Variants in DDAH1 observed in about 807,000 individuals in gnomAD.
The protein encoded by DDAH1 is dimethylarginine dimethylaminohydrolase 1.
Under a neutral mutation model 28.8 loss-of-function variants are expected in DDAH1, and 19 were observed. The ratio of observed to expected loss-of-function variants is 0.66; its 90% confidence interval spans 0.46 to 0.97. DDAH1 has a LOEUF of 0.97. Among genes scored for constraint, DDAH1 ranks in the 50% least tolerant of loss-of-function variants. DDAH1 has a pLI of 0.00. For synonymous variants in DDAH1, 153 were observed against 154.4 expected (o/e 0.99, Z 0.07); for missense variants, 326 against 375.9 (o/e 0.87, Z 1.10).
intron 1 of DDAH1, among the ~76,000 whole-genome samples, chr1:85,457,903 C>G (rs1440422323): frequency 2.0e-5 from 3 of 152,140 alleles, no homozygotes; most frequent in African/African-American, 7.2e-5. Flanking sequence ...GTTGGCCAGG[C>G]TGGTTTTGAA....
intron 1 of DDAH1, among the ~76,000 whole-genome samples, chr1:85,572,971 C>T (rs1659502637): frequency 2.0e-5 from 3 of 152,172 alleles, no homozygotes; most frequent in Admixed American, 6.5e-5. Context: ...GATTTTATAA[C>T]TAGAGTTCTA....
chr1:85,372,128 T>C lies in DDAH1; in HGVS notation c.304-13281A>G, dbSNP rs113861337. On this transcript the variant is annotated intron_variant, in intron 1 of 5. Coordinates refer to ENST00000284031, the MANE Select transcript of DDAH1 (RefSeq NM_012137.4). ...TGCATAGTAATTAATTCTGAGAAGC[T>C]GCCTTCTGATTCCAGGCTGAAGCAT... Among the ~76,000 whole-genome samples the C allele has an allele frequency of 9.2e-3, 1,403 of 152,270 alleles. 18 individuals carry two copies. The highest frequency in any genetic ancestry group is 0.032 in the African/African-American group (1,341 of 41,544).
Position 85,465,154 on chromosome 1 carries a change from G to A in DDAH1, c.-109C>T. The stretch of plus-strand genomic sequence containing the variant: ...CCGTCGGCTCCTCTTGGCAGCCGCT[G>A]AATGTGGTGCAGAAGGAGCCCAGCT... On this transcript the variant is annotated 5_prime_UTR_variant, in exon 1 of 6. Transcript: ENST00000284031. 8.6e-7 allele frequency: 1 copy of A among 1,157,060 alleles called. No individual in the cohort carries two copies. Among genetic ancestry groups the A allele is most frequent in the African/African-American group, 1.6e-5 (1 of 61,678 alleles). The allele number at this position is 1,157,060 out of a possible 1,614,324, so 71.7% of individuals were successfully genotyped here. A position where few individuals can be genotyped will look rare whatever the true frequency, so the allele number is the denominator to read the frequency against.
rs1373608484 is a variant in DDAH1, at chr1:85,321,306, A to AG, written c.*145dup. 6.2e-6 allele frequency: 4 copies of AG among 649,402 alleles called. No homozygotes were observed. Among genetic ancestry groups the AG allele is most frequent in the Non-Finnish European group, 1.1e-5 (4 of 361,966 alleles). 40.2% of individuals were successfully genotyped at this position (649,402 alleles called of 1,614,324 possible). A position where few individuals can be genotyped will look rare whatever the true frequency, so the allele number is the denominator to read the frequency against. On this transcript the variant is annotated 3_prime_UTR_variant, in exon 6 of 6. Transcript: ENST00000284031. ...GAGGGAGGGTGGGGGTGTTGAATGA[A>AG]GCAATTCAACTTAGAATCAAATTTT...
At chr1:85,535,296 C>A (rs1466304901) in intron 1 of DDAH1, among the ~76,000 whole-genome samples, 1 of 149,270 alleles carries the variant, frequency 6.7e-6, no homozygotes, top group Admixed American at 6.7e-5. Context: ...TTTTAAAGAT[C>A]TCTAGAGAAA....
chr1:85,539,345 C>T (rs1210450483), intron 1 of DDAH1, among the ~76,000 whole-genome samples: 4 of 152,132 alleles, frequency 2.6e-5, no homozygotes, highest in Non-Finnish European at 4.4e-5. Flanking sequence ...TGGGGTCTCA[C>T]CATGTTGGCC....
intron 1 of DDAH1, among the ~76,000 whole-genome samples, chr1:85,361,115 AGAAAT>A (rs1649773637): frequency 1.3e-5 from 2 of 152,230 alleles, no homozygotes; most frequent in Non-Finnish European, 2.9e-5. Context: ...TTTCTGGAGA[AGAAAT>A]GAGAGGCTGA....
chr1:85,322,343 A>G (rs1661382961), intron 5 of DDAH1, among the ~76,000 whole-genome samples: 1 of 152,248 alleles, frequency 6.6e-6, no homozygotes, highest in Admixed American at 6.5e-5. Flanking sequence ...CTTTTAAATT[A>G]CAGGTATGAA....
At chr1:85,470,757 G>A (rs945536414) in intron 2 of DDAH1, among the ~76,000 whole-genome samples, 6 of 152,132 alleles carry the variant, frequency 3.9e-5, no homozygotes, top group Non-Finnish European at 7.4e-5. Context: ...ATGGTTCCAC[G>A]GTAACCAGGA....
At chr1:85,434,904 G>A (rs1388621613) in intron 1 of DDAH1, among the ~76,000 whole-genome samples, 3 of 151,762 alleles carry the variant, frequency 2.0e-5, no homozygotes, top group Non-Finnish European at 2.9e-5. Flanking sequence ...ATATGAAAGA[G>A]TATTAAATAT....
intron 2 of DDAH1, among the ~76,000 whole-genome samples, chr1:85,489,390 T>C (rs1386821944): frequency 6.6e-6 from 1 of 152,034 alleles, no homozygotes; most frequent in African/African-American, 2.4e-5. Context: ...AAATCAATCA[T>C]GGAATTAGGG....
chr1:85,498,120 C>G (rs1476012167), intron 1 of DDAH1, among the ~76,000 whole-genome samples: 1 of 152,172 alleles, frequency 6.6e-6, no homozygotes, highest in Non-Finnish European at 1.5e-5. Flanking sequence ...CATCTCCTTG[C>G]CAGTATTTCC....
upstream of DDAH1, among the ~76,000 whole-genome samples, chr1:85,466,829 A>ATTATTTTTTTT (rs1158919618): frequency 4.3e-5 from 2 of 46,582 alleles, no homozygotes; most frequent in Admixed American, 3.1e-4. Flanking sequence ...TTCATTATTT[A>ATTATTTTTTTT]TTCTTTTTTT....
chr1:85,528,341 C>T (rs1271698273), intron 1 of DDAH1, among the ~76,000 whole-genome samples: 2 of 152,096 alleles, frequency 1.3e-5, no homozygotes, highest in African/African-American at 4.8e-5. Context: ...TCCAGACTCA[C>T]CAATGGGTCA....
chr1:85,467,082 C>T (rs183684176), upstream of DDAH1, among the ~76,000 whole-genome samples: 8 of 152,228 alleles, frequency 5.3e-5, no homozygotes, highest in Non-Finnish European at 1.0e-4. Context: ...GGTGATCCGC[C>T]TGCCTCGGCC....
intron 1 of DDAH1, among the ~76,000 whole-genome samples, chr1:85,414,949 A>T (rs1310235429): frequency 6.6e-6 from 1 of 151,930 alleles, no homozygotes; most frequent in African/African-American, 2.4e-5. Flanking sequence ...AAATTTTAAA[A>T]TCAAAATTTG....
intron 2 of DDAH1, among the ~76,000 whole-genome samples, chr1:85,353,398 A>G (rs1290017204): frequency 2.0e-5 from 3 of 152,274 alleles, no homozygotes; most frequent in Admixed American, 2.0e-4. Context: ...TATAAATATT[A>G]TAACTTTAAT....
chr1:85,404,407 T>A, intron 1 of DDAH1: 1 of 1,535,038 alleles, frequency 6.5e-7, no homozygotes, highest in Non-Finnish European at 8.7e-7. Context: ...CAAATTGCCA[T>A]CCAGAACTGC....
At chr1:85,548,685 C>A (rs1483443190) in intron 1 of DDAH1, among the ~76,000 whole-genome samples, 1 of 152,140 alleles carries the variant, frequency 6.6e-6, no homozygotes, top group Non-Finnish European at 1.5e-5. Flanking sequence ...TTCTATCATT[C>A]TATAATTTAG....
Sources: allele counts gnomAD v4.1 joint callset (sites outside exome capture counted in the v4.1 genomes callset), GRCh38; gene constraint gnomAD v4.1.1; transcripts MANE v1.5; gene names NCBI Gene and HGNC (gene_info 2026-07-23, HGNC 2026-07-21).